The following LY6S variants were observed in gnomAD, a reference collection of about 807,000 sequenced individuals.
The protein encoded by LY6S is lymphocyte antigen 6 family member S, also known as lymphocyte antigen 6S.
the LY6S span, among the ~76,000 whole-genome samples, chr8:143,063,864 T>C: frequency 1.3e-5 from 2 of 152,322 alleles, no homozygotes; most frequent in East Asian, 3.9e-4. Flanking sequence ...TGGATCATGA[T>C]GCGCTGTCCC....
the LY6S span, among the ~76,000 whole-genome samples, chr8:143,061,846 G>A: frequency 3.9e-5 from 6 of 152,134 alleles, no homozygotes; most frequent in African/African-American, 1.4e-4. Context: ...ACCTGGCCAG[G>A]TATTTCAATA....
the LY6S span, among the ~76,000 whole-genome samples, chr8:143,070,481 ATATATATATTTT>A: frequency 1.2e-5 from 1 of 85,414 alleles, no homozygotes; most frequent in African/African-American, 7.4e-5. Flanking sequence ...ATATAAATAT[ATATATATATTTT>A]TTTTTTTTTT....
the LY6S span, among the ~76,000 whole-genome samples, chr8:143,055,880 A>T: frequency 6.6e-6 from 1 of 152,128 alleles, no homozygotes; most frequent in Admixed American, 6.5e-5. Flanking sequence ...CTTTCTCCTT[A>T]CAGTAAGGCG....
At chr8:143,043,102 G>A in the LY6S span, 3 of 1,367,626 alleles carry the variant, frequency 2.2e-6, no homozygotes, top group Admixed American at 1.9e-5. Context: ...GCCTGCGGGG[G>A]AGAGGGCGGG....
At chr8:143,069,979 G>A in the LY6S span, among the ~76,000 whole-genome samples, 808 of 152,186 alleles carry the variant, frequency 5.3e-3, 11 homozygotes, top group African/African-American at 0.019. Flanking sequence ...AGCTCCTGCC[G>A]CCATAACGAA....
At chr8:143,043,094 C>A in the LY6S span, 4 of 1,367,566 alleles carry the variant, frequency 2.9e-6, no homozygotes, top group Admixed American at 7.6e-5. Flanking sequence ...GAGGGTAGGC[C>A]TGCGGGGGAG....
At chr8:143,060,366 C>T in the LY6S span, among the ~76,000 whole-genome samples, 1,319 of 152,378 alleles carry the variant, frequency 8.7e-3, 13 homozygotes, top group African/African-American at 0.029. Context: ...TCAGTGGTCA[C>T]GCTCCTGATC....
chr8:143,056,701 CT>C, the LY6S span, among the ~76,000 whole-genome samples: 1 of 152,112 alleles, frequency 6.6e-6, no homozygotes, highest in East Asian at 1.9e-4. Context: ...TGACATGTAA[CT>C]TTTTTTAACT....
At chr8:143,075,101 T>C in the LY6S span, among the ~76,000 whole-genome samples, 1 of 152,256 alleles carries the variant, frequency 6.6e-6, no homozygotes, top group Non-Finnish European at 1.5e-5. The surrounding 1 kb of genome is among the most constrained non-coding windows in gnomAD (Gnocchi z 4.1). Context: ...TCATTATGAC[T>C]CATTTTTTTC....
the LY6S span, chr8:143,057,256 AT>A: frequency 0.52 from 90,389 of 173,642 alleles, 24,851 homozygotes; most frequent in Non-Finnish European, 0.61. Flanking sequence ...TATTATTTTT[AT>A]TTTTTTTTTT....
At chr8:143,063,784 G>T in the LY6S span, among the ~76,000 whole-genome samples, 1 of 152,196 alleles carries the variant, frequency 6.6e-6, no homozygotes, top group African/African-American at 2.4e-5. Context: ...CCTGGCATTT[G>T]CTCAGCCTGT....
the LY6S span, among the ~76,000 whole-genome samples, chr8:143,067,494 T>C: frequency 6.6e-6 from 1 of 152,174 alleles, no homozygotes; most frequent in Non-Finnish European, 1.5e-5. Context: ...CACCTGTGAG[T>C]ATTTCTCGTC....
At chr8:143,070,980 G>C in the LY6S span, among the ~76,000 whole-genome samples, 1 of 151,642 alleles carries the variant, frequency 6.6e-6, no homozygotes, top group African/African-American at 2.4e-5. Flanking sequence ...GAGTGTGGTG[G>C]GGAAAGGAAG....
chr8:143,044,350 G>C, the LY6S span: 1 of 415,508 alleles, frequency 2.4e-6, no homozygotes, highest in Middle Eastern at 5.1e-4. Flanking sequence ...CCTGCTGCTG[G>C]GCACTGGGAG....
chr8:143,057,904 C>A, the LY6S span: 2 of 604,760 alleles, frequency 3.3e-6, no homozygotes, highest in East Asian at 2.8e-5. Context: ...CCATGCGCAA[C>A]CAGAGGGATG....
chr8:143,055,500 C>G, the LY6S span, among the ~76,000 whole-genome samples: 2 of 152,134 alleles, frequency 1.3e-5, no homozygotes, highest in Non-Finnish European at 2.9e-5. Context: ...GAAGTGTTTA[C>G]TGTCATTCTT....
the LY6S span, chr8:143,057,611 G>C: frequency 1.2e-5 from 15 of 1,284,486 alleles, no homozygotes; most frequent in African/African-American, 1.5e-5. Flanking sequence ...AGGGTCCCCA[G>C]TCAGGTCATC....
the LY6S span, chr8:143,042,115 G>A: frequency 7.3e-6 from 1 of 136,938 alleles, no homozygotes; most frequent in African/African-American, 2.9e-5. Flanking sequence ...AGGCTGAGAC[G>A]ACCGTCCACC....
chr8:143,075,480 GA>G, the LY6S span, among the ~76,000 whole-genome samples: 3 of 152,190 alleles, frequency 2.0e-5, no homozygotes, highest in Non-Finnish European at 4.4e-5. The surrounding 1 kb of genome is among the most constrained non-coding windows in gnomAD (Gnocchi z 4.1). Flanking sequence ...GAGGAGGGTG[GA>G]TCATCTGAGG....
Sources: allele counts gnomAD v4.1 joint callset (sites outside exome capture counted in the v4.1 genomes callset), GRCh38; gene constraint gnomAD v4.1.1; non-coding constraint Gnocchi (gnomAD v3.1); transcripts MANE v1.5; gene names NCBI Gene and HGNC (gene_info 2026-07-23, HGNC 2026-07-21).